The following NCAM2 variants were observed in gnomAD, a reference collection of about 807,000 sequenced individuals.
NCAM2 encodes N-CAM-2.
Under a neutral mutation model 98.1 loss-of-function variants are expected in NCAM2, and 30 were observed. The ratio of observed to expected loss-of-function variants is 0.31; its 90% confidence interval spans 0.23 to 0.41. NCAM2 has a LOEUF of 0.41. NCAM2 is among the 10% of genes least tolerant of loss of function. The pLI, the probability that NCAM2 is intolerant of heterozygous loss-of-function variation, is 1.00. For synonymous variants in NCAM2, 368 were observed against 342.4 expected, an observed-to-expected ratio of 1.07 and a Z score of -0.83; for missense variants, 867 against 1,005.8, an observed-to-expected ratio of 0.86 and a Z score of 1.87.
intron 1 of NCAM2, among the ~76,000 whole-genome samples, chr21:21,266,851 C>T (rs1417308710): frequency 6.6e-6 from 1 of 151,960 alleles, no homozygotes; most frequent in Non-Finnish European, 1.5e-5. Flanking sequence ...GCACATGTAC[C>T]CTAGAACTTA....
chr21:21,352,771 G>C (rs1341899508), intron 8 of NCAM2, among the ~76,000 whole-genome samples: 2 of 142,032 alleles, frequency 1.4e-5, no homozygotes, highest in East Asian at 4.3e-4. Context: ...ACACTTTCAA[G>C]TTGTTGCACA....
chr21:21,477,140 T>C (rs1481897532), intron 14 of NCAM2, 151 bp from the exon 15 acceptor site: 3 of 485,238 alleles, frequency 6.2e-6, no homozygotes, highest in Non-Finnish European at 1.0e-5. Flanking sequence ...ACTGGCTTCA[T>C]TGACACAGCA....
intron 10 of NCAM2, among the ~76,000 whole-genome samples, chr21:21,418,033 G>A (rs1179179976): frequency 6.6e-6 from 1 of 151,896 alleles, no homozygotes; most frequent in Non-Finnish European, 1.5e-5. Context: ...AGTTAACAAT[G>A]CTTTTATTAC....
chr21:21,178,435 A>G (rs1023051441), intron 1 of NCAM2, among the ~76,000 whole-genome samples: 2 of 152,120 alleles, frequency 1.3e-5, no homozygotes, highest in Non-Finnish European at 2.9e-5. Flanking sequence ...ATTTTCCTCT[A>G]CAATTTTTAA....
rs1055802329 is a variant in NCAM2 at position 21,182,042 on chromosome 21, A to T, written c.56-98536A>T. 3.3e-3 allele frequency among the ~76,000 whole-genome samples: 496 copies of T among 151,970 alleles called. 3 individuals carry two copies. Among genetic ancestry groups the T allele is most frequent in the African/African-American group, 0.011 (474 of 41,442 alleles). On this transcript the variant is annotated intron_variant, in intron 1 of 17. Transcript: ENST00000400546. Reference sequence around the variant, plus strand: ...ACCACCATCTCTAAAAAAAAAAAAAAAACAAATAAAAATATTGCTCATTAC... The same window carrying T: ...ACCACCATCTCTAAAAAAAAAAAAATAACAAATAAAAATATTGCTCATTAC...
At chr21:21,024,005 A>C (rs557901344) in intron 1 of NCAM2, among the ~76,000 whole-genome samples, 4 of 152,364 alleles carry the variant, frequency 2.6e-5, no homozygotes, top group Non-Finnish European at 5.9e-5. Flanking sequence ...GGTAATAAAA[A>C]GATGTATAAA....
intron 1 of NCAM2, among the ~76,000 whole-genome samples, chr21:21,006,038 G>T (rs1460380658): frequency 6.6e-6 from 1 of 152,058 alleles, no homozygotes; most frequent in Admixed American, 6.5e-5. Context: ...TGCCTGATTT[G>T]CCCAGAGATT....
intron 1 of NCAM2, among the ~76,000 whole-genome samples, chr21:21,017,607 AT>A (rs1187426508): frequency 6.6e-6 from 1 of 151,964 alleles, no homozygotes. Context: ...GAGCTATACT[AT>A]TCCTCGCTTA....
intron 1 of NCAM2, among the ~76,000 whole-genome samples, chr21:21,109,864 A>C (rs955329240): frequency 2.6e-4 from 40 of 152,222 alleles, no homozygotes; most frequent in African/African-American, 9.4e-4. Flanking sequence ...CTTTAACAGA[A>C]AATGCCAGTC....
Position 21,403,301 on chromosome 21 carries a change from T to C in NCAM2, c.1196-6973T>C, listed in dbSNP as rs566728886. Among the ~76,000 whole-genome samples the C allele has an allele frequency of 2.0e-4, 31 of 152,302 alleles. No homozygotes were observed. The South Asian group carries it at 5.8e-3, about 29-fold the overall frequency. On this transcript the variant is annotated intron_variant, in intron 9 of 17. Coordinates refer to ENST00000400546, the MANE Select transcript of NCAM2 (RefSeq NM_004540.5). ...AATCTTTCTCTGGGTTGCAGTTATA[T>C]AACAATATATTTATTTACTTTTGCA...
intron 12 of NCAM2, among the ~76,000 whole-genome samples, chr21:21,440,191 G>T (rs929561028): frequency 6.6e-6 from 1 of 152,038 alleles, no homozygotes; most frequent in Admixed American, 6.6e-5. Context: ...AAAATAATTT[G>T]ATTTTTATAT....
intron 1 of NCAM2, among the ~76,000 whole-genome samples, chr21:21,262,644 C>G (rs953111308): frequency 2.8e-5 from 2 of 71,872 alleles, no homozygotes; most frequent in African/African-American, 1.1e-4. Context: ...GAAGACCTAG[C>G]CAGAACAATC....
chr21:21,056,147 C>G (rs959237372), intron 1 of NCAM2, among the ~76,000 whole-genome samples: 4 of 151,920 alleles, frequency 2.6e-5, no homozygotes, highest in African/African-American at 7.2e-5. Context: ...AAGCCTGTGT[C>G]TTTATATATT....
At chr21:21,429,937 A>T (rs892013196) in intron 11 of NCAM2, among the ~76,000 whole-genome samples, 2 of 152,194 alleles carry the variant, frequency 1.3e-5, no homozygotes, top group Non-Finnish European at 2.9e-5. Flanking sequence ...TACTATTTAT[A>T]AGGCATATTT....
At chr21:21,291,168 C>T (rs1357230017) in intron 4 of NCAM2, among the ~76,000 whole-genome samples, 1 of 151,760 alleles carries the variant, frequency 6.6e-6, no homozygotes, top group African/African-American at 2.4e-5. Flanking sequence ...ATCAAAGTGT[C>T]TTATATACAG....
intron 8 of NCAM2, among the ~76,000 whole-genome samples, chr21:21,367,332 C>G (rs1296244329): frequency 6.6e-6 from 1 of 151,826 alleles, no homozygotes; most frequent in East Asian, 1.9e-4. Context: ...CACCATCATC[C>G]TGATAATGTA....
At chr21:21,486,082 T>A (rs1037848900) in intron 15 of NCAM2, among the ~76,000 whole-genome samples, 4 of 151,940 alleles carry the variant, frequency 2.6e-5, no homozygotes, top group Non-Finnish European at 5.9e-5. Context: ...GGCAGGTGGA[T>A]CACGAGGTCA....
At chr21:21,051,253 G>C (rs8133233) in intron 1 of NCAM2, among the ~76,000 whole-genome samples, 143,006 of 152,084 alleles carry the variant, frequency 0.94, 67,854 homozygotes, top group East Asian at 1. Context: ...AGCTATGGAA[G>C]TCCCCATGAA....
intron 6 of NCAM2, among the ~76,000 whole-genome samples, chr21:21,331,172 T>G (rs983709751): frequency 6.6e-6 from 1 of 151,948 alleles, no homozygotes; most frequent in Non-Finnish European, 1.5e-5. Flanking sequence ...TGGAGACAGA[T>G]TCTCGCTCTG....
Sources: allele counts gnomAD v4.1 joint callset (sites outside exome capture counted in the v4.1 genomes callset), GRCh38; gene constraint gnomAD v4.1.1; transcripts MANE v1.5; gene names NCBI Gene and HGNC (gene_info 2026-07-23, HGNC 2026-07-21).